Variants in DMD observed in about 807,000 individuals in gnomAD.
DMD encodes dystrophin.
Under a neutral mutation model 330.1 loss-of-function variants are expected in DMD, and 63 were observed. That is an observed-to-expected ratio of 0.19 (90% confidence interval 0.16 to 0.24). The LOEUF (loss-of-function observed/expected upper bound fraction) is 0.24, where lower values mean the gene tolerates loss of function less well. Ranked by LOEUF, DMD falls within the 10% of genes least tolerant of loss-of-function variation. The probability of loss-of-function intolerance (pLI) is 1.00; values close to 1 mark genes in which losing one functional copy is unlikely to be tolerated. For missense variants in DMD, 3,344 were observed against 2,684.1 expected (o/e 1.25, Z -5.43); for synonymous variants, 1,223 against 959.8 (o/e 1.27, Z -5.07).
chrX:33,315,950 A>G (rs2053927200), intron 1 of DMD, among the ~76,000 whole-genome samples: 1 of 110,884 alleles, frequency 9.0e-6, no homozygotes, highest in Non-Finnish European at 1.9e-5. Flanking sequence ...ATGTTCCTTT[A>G]TTGAGTCAAG....
intron 55 of DMD, among the ~76,000 whole-genome samples, chrX:31,592,245 T>C (rs1459672042): frequency 1.8e-5 from 2 of 108,110 alleles, no homozygotes; most frequent in Non-Finnish European, 3.8e-5. Context: ...TTGCCAAATA[T>C]TAGGTATAGT....
chrX:32,342,595 A>G (rs1603631231), intron 40 of DMD: 1 of 309,916 alleles, frequency 3.2e-6, no homozygotes, highest in East Asian at 6.5e-5. Context: ...CTCATTATTT[A>G]TTAGGGACCG....
chrX:32,636,984 A>T (rs1168272569), intron 11 of DMD, among the ~76,000 whole-genome samples: 1 of 109,473 alleles, frequency 9.1e-6, no homozygotes, highest in African/African-American at 3.3e-5. Context: ...GGAGACAGGG[A>T]GACTCTGTCT....
chrX:31,673,029 A>G (rs1445526283), intron 53 of DMD, among the ~76,000 whole-genome samples: 4 of 112,430 alleles, frequency 3.6e-5, no homozygotes, highest in Non-Finnish European at 7.5e-5. Context: ...GGCCATGTAT[A>G]TAGGTTTATT....
chrX:32,715,858 G>A (rs1009624154), intron 7 of DMD, among the ~76,000 whole-genome samples: 1 of 111,296 alleles, frequency 9.0e-6, no homozygotes, highest in African/African-American at 3.3e-5. Context: ...AGAACATTAG[G>A]CTAAGTGAAA....
chrX:32,880,345 A>T (rs1372737594), intron 2 of DMD, among the ~76,000 whole-genome samples: 3 of 109,662 alleles, frequency 2.7e-5, no homozygotes, highest in Non-Finnish European at 5.7e-5. Flanking sequence ...GTCTGCCTAT[A>T]AAAGATGTTT....
intron 9 of DMD, among the ~76,000 whole-genome samples, chrX:32,686,697 TTAA>T (rs1357561692): frequency 9.0e-6 from 1 of 110,558 alleles, no homozygotes; most frequent in African/African-American, 3.3e-5. Context: ...AAATATAAGG[TTAA>T]TAATTTAAAG....
intron 9 of DMD, among the ~76,000 whole-genome samples, chrX:32,684,520 A>C (rs1319112786): frequency 9.0e-6 from 1 of 111,250 alleles, no homozygotes; most frequent in East Asian, 2.8e-4. Context: ...CCTAAATTTA[A>C]ATTTTGTGAT....
intron 1 of DMD, among the ~76,000 whole-genome samples, chrX:33,219,773 T>C (rs1391223916): frequency 8.9e-6 from 1 of 111,875 alleles, no homozygotes; most frequent in Non-Finnish European, 1.9e-5. Context: ...AGATAGTAAA[T>C]GCATTGATGC....
At chrX:32,714,860 A>G (rs2065533330) in intron 7 of DMD, among the ~76,000 whole-genome samples, 1 of 111,960 alleles carries the variant, frequency 8.9e-6, no homozygotes, top group African/African-American at 3.2e-5. Flanking sequence ...ACATGATGCT[A>G]TAAGATACAC....
chrX:32,520,074 C>A (rs1428617522), intron 17 of DMD, among the ~76,000 whole-genome samples: 1 of 111,482 alleles, frequency 9.0e-6, no homozygotes, highest in East Asian at 2.8e-4. Flanking sequence ...GATCCTGATT[C>A]CTCTAAATCC....
intron 51 of DMD, among the ~76,000 whole-genome samples, chrX:31,736,067 T>C (rs925007840): frequency 9.0e-6 from 1 of 111,613 alleles, no homozygotes; most frequent in Non-Finnish European, 1.9e-5. Flanking sequence ...ACGTACCTGA[T>C]TGTGACCTCA....
chrX:32,728,522 T>C (rs1376086673), intron 7 of DMD, among the ~76,000 whole-genome samples: 1 of 111,654 alleles, frequency 9.0e-6, no homozygotes, highest in Non-Finnish European at 1.9e-5. Context: ...GCAGCTGCTT[T>C]ATTTGAGCTT....
intron 18 of DMD, among the ~76,000 whole-genome samples, chrX:32,512,421 T>C (rs1257285114): frequency 8.9e-6 from 1 of 112,326 alleles, no homozygotes; most frequent in Non-Finnish European, 1.9e-5. Flanking sequence ...TTCATATTGG[T>C]AATAGATCCT....
rs771877659 is a variant in DMD, at chrX:32,849,719, G to C, written c.186+9C>G. 9 of 1,167,922 alleles carry C rather than the reference G, an allele frequency of 7.7e-6. No homozygotes were observed. Among genetic ancestry groups the C allele is most frequent in the Non-Finnish European group, 1.1e-5 (9 of 856,332 alleles). ...TTAAAGTTAACTTTCTTAAAAATAA[G>C]TCACATACCAGTTTTTGCCCTGTCA... On this transcript the variant is annotated intron_variant, in intron 3 of 78. Coordinates refer to ENST00000357033, the MANE Select transcript of DMD (RefSeq NM_004006.3).
chrX:31,477,830 C>T (rs987857888), intron 59 of DMD, among the ~76,000 whole-genome samples: 15 of 100,659 alleles, frequency 1.5e-4, no homozygotes, highest in Non-Finnish European at 2.0e-4. Flanking sequence ...CACACACACA[C>T]ATCAGACTTT....
intron 62 of DMD, among the ~76,000 whole-genome samples, chrX:31,262,769 T>C (rs921762874): frequency 1.8e-5 from 2 of 112,640 alleles, no homozygotes; most frequent in Admixed American, 9.3e-5. Context: ...AGCCGGTTTA[T>C]GATCTGGAGA....
intron 30 of DMD, among the ~76,000 whole-genome samples, chrX:32,395,824 G>C (rs2098039917): frequency 9.0e-6 from 1 of 111,371 alleles, no homozygotes; most frequent in East Asian, 2.8e-4. Context: ...AAGACTGAAT[G>C]TGAGTTAGTA....
chrX:32,827,723 C>T (rs1366891485), intron 4 of DMD, among the ~76,000 whole-genome samples: 6 of 105,918 alleles, frequency 5.7e-5, no homozygotes, highest in African/African-American at 1.7e-4. Context: ...TGCAGTGGCA[C>T]GATCTCGGCT....
Sources: gnomAD v4.1 joint callset for allele counts (sites outside exome capture counted in the v4.1 genomes callset) on GRCh38, gnomAD v4.1.1 for gene constraint, MANE v1.5 for transcripts, NCBI Gene and HGNC (gene_info 2026-07-23, HGNC 2026-07-21) for gene names.